Variants in AKAP13 observed in about 807,000 individuals in gnomAD.
AKAP13 encodes the protein A-kinase anchoring protein 13.
In AKAP13, 80 loss-of-function variants were observed where a neutral mutation model predicts 264.5. The ratio of observed to expected loss-of-function variants is 0.30; its 90% confidence interval spans 0.25 to 0.36. The LOEUF (loss-of-function observed/expected upper bound fraction) is 0.36, where lower values mean the gene tolerates loss of function less well. AKAP13 is among the 10% of genes least tolerant of loss of function. AKAP13 has a pLI of 1.00. For missense variants in AKAP13, 3,712 were observed against 3,435.2 expected, an observed-to-expected ratio of 1.08 and a Z score of -2.01; for synonymous variants, 1,380 against 1,250.2, an observed-to-expected ratio of 1.10 and a Z score of -2.19.
intron 2 of AKAP13, among the ~76,000 whole-genome samples, chr15:85,504,247 C>T (rs757936462): frequency 6.6e-6 from 1 of 151,752 alleles, no homozygotes; most frequent in East Asian, 1.9e-4. Context: ...ACAAAGTAGC[C>T]GAGTATAATC....
chr15:85,399,523 T>TAA lies in AKAP13; in HGVS notation c.-12+18731_-12+18732dup, dbSNP rs1367253621. Reference sequence around the variant, plus strand: ...GTCTCAAAAAAAAAAAAAAAAAAAATAAAAAAATAAAAAAATAAATAAATA... The same window carrying TAA: ...GTCTCAAAAAAAAAAAAAAAAAAAATAAAAAAAAATAAAAAAATAAATAAATA... On this transcript the variant is annotated intron_variant, in intron 1 of 36. Coordinates refer to ENST00000394518, the MANE Select transcript of AKAP13 (RefSeq NM_007200.5). Among the ~76,000 whole-genome samples, 6 of 78,028 alleles carry TAA rather than the reference T, an allele frequency of 7.7e-5. No individual in the cohort carries two copies. In the South Asian group the frequency reaches 9.4e-4, roughly 12 times the overall value. The allele number at this position is 78,028 out of a possible 152,430, so 51.2% of individuals were successfully genotyped here. A position where few individuals can be genotyped will look rare whatever the true frequency, so the allele number is the denominator to read the frequency against.
chr15:85,505,387 G>A (rs1351819922), intron 2 of AKAP13, among the ~76,000 whole-genome samples: 1 of 152,144 alleles, frequency 6.6e-6, no homozygotes, highest in Non-Finnish European at 1.5e-5. Flanking sequence ...GGCTATGACT[G>A]GTAGTAGTAT....
intron 2 of AKAP13, among the ~76,000 whole-genome samples, chr15:85,494,348 T>G (rs1435920232): frequency 1.3e-5 from 2 of 152,232 alleles, no homozygotes; most frequent in African/African-American, 2.4e-5. Flanking sequence ...GGTCTTTGGA[T>G]GCCCCTTATG....
At chr15:85,537,362 C>G (rs1257108987) in intron 4 of AKAP13, among the ~76,000 whole-genome samples, 1 of 152,226 alleles carries the variant, frequency 6.6e-6, no homozygotes, top group Non-Finnish European at 1.5e-5. Flanking sequence ...CATAACAGGA[C>G]TTCTTGCTGT....
At chr15:85,734,585 C>T (rs2088301019) in intron 30 of AKAP13, among the ~76,000 whole-genome samples, 1 of 152,226 alleles carries the variant, frequency 6.6e-6, no homozygotes, top group Non-Finnish European at 1.5e-5. Flanking sequence ...TCTTAGACTA[C>T]TCTAGCCCCT....
chr15:85,729,551 T>G (rs1403757178), intron 29 of AKAP13, among the ~76,000 whole-genome samples: 1 of 149,842 alleles, frequency 6.7e-6, no homozygotes, highest in Non-Finnish European at 1.5e-5. Flanking sequence ...AAGGGGAGGG[T>G]TTTTGATGGT....
intron 1 of AKAP13, among the ~76,000 whole-genome samples, chr15:85,483,482 C>T (rs1219825519): frequency 2.0e-5 from 3 of 150,062 alleles, no homozygotes; most frequent in South Asian, 2.1e-4. Context: ...AAAAATTAGC[C>T]GGTTGCGGTG....
chr15:85,459,706 A>G (rs1216218102), intron 1 of AKAP13, among the ~76,000 whole-genome samples: 3 of 151,896 alleles, frequency 2.0e-5, no homozygotes, highest in Admixed American at 6.6e-5. Flanking sequence ...TCACCGTGTT[A>G]GCCAGGATAG....
At chr15:85,510,445 T>C (rs1034897074) in intron 2 of AKAP13, among the ~76,000 whole-genome samples, 8 of 152,216 alleles carry the variant, frequency 5.3e-5, no homozygotes, top group African/African-American at 1.7e-4. Context: ...TATACAATTA[T>C]TGAAGTAATA....
intron 11 of AKAP13, among the ~76,000 whole-genome samples, chr15:85,656,150 T>C (rs1222187153): frequency 1.3e-5 from 2 of 152,216 alleles, no homozygotes; most frequent in African/African-American, 2.4e-5. Flanking sequence ...AGGCAGTAGT[T>C]TCATGTCAAC....
chr15:85,650,734 C>T (rs2082767840), intron 10 of AKAP13, among the ~76,000 whole-genome samples: 1 of 93,788 alleles, frequency 1.1e-5, no homozygotes, highest in Non-Finnish European at 2.0e-5. Context: ...CCAGCCTGGG[C>T]AACAGAGTGA....
intron 14 of AKAP13, among the ~76,000 whole-genome samples, chr15:85,671,189 G>C (rs940103997): frequency 6.6e-6 from 1 of 152,012 alleles, no homozygotes; most frequent in African/African-American, 2.4e-5. Context: ...GACAGAAGCA[G>C]ATGCCCTATA....
chr15:85,387,025 CTTTTTTTTCTTTTTT>C (rs760203803), intron 1 of AKAP13, among the ~76,000 whole-genome samples: 4 of 151,820 alleles, frequency 2.6e-5, no homozygotes, highest in African/African-American at 7.3e-5. Context: ...TTTTCTTTTT[CTTTTTTTTCTTTTTT>C]AAGATGAGGT....
At chr15:85,395,605 A>G (rs2071071565) in intron 1 of AKAP13, among the ~76,000 whole-genome samples, 1 of 152,198 alleles carries the variant, frequency 6.6e-6, no homozygotes, top group African/African-American at 2.4e-5. Context: ...ATCTTTTTGA[A>G]AAGGGAGACT....
intron 1 of AKAP13, among the ~76,000 whole-genome samples, chr15:85,445,246 C>T (rs1429909193): frequency 6.6e-6 from 1 of 152,170 alleles, no homozygotes; most frequent in Non-Finnish European, 1.5e-5. Flanking sequence ...GAGGCCCCTA[C>T]AATACCAAAG....
intron 16 of AKAP13, among the ~76,000 whole-genome samples, chr15:85,692,238 G>T (rs187226674): frequency 6.6e-6 from 1 of 152,134 alleles, no homozygotes; most frequent in Admixed American, 6.5e-5. Flanking sequence ...AGAATAATGA[G>T]CTAATGAAAC....
chr15:85,455,109 C>T (rs2074238895), intron 1 of AKAP13, among the ~76,000 whole-genome samples: 1 of 152,100 alleles, frequency 6.6e-6, no homozygotes, highest in Admixed American at 6.5e-5. Flanking sequence ...TCATGTCTGT[C>T]CTTGGTACAT....
intron 3 of AKAP13, among the ~76,000 whole-genome samples, chr15:85,530,116 G>A (rs16941005): frequency 6.6e-6 from 1 of 152,092 alleles, no homozygotes; most frequent in Non-Finnish European, 1.5e-5. Context: ...AACAAACTCT[G>A]CTAATGCAGC....
intron 8 of AKAP13, among the ~76,000 whole-genome samples, chr15:85,605,076 G>C (rs1360898855): frequency 2.0e-5 from 3 of 150,996 alleles, no homozygotes; most frequent in Non-Finnish European, 4.4e-5. Flanking sequence ...AATCCCCATG[G>C]ATTACCTAAT....
Sources: gnomAD v4.1 joint callset for allele counts (sites outside exome capture counted in the v4.1 genomes callset) on GRCh38, gnomAD v4.1.1 for gene constraint, MANE v1.5 for transcripts, NCBI Gene and HGNC (gene_info 2026-07-23, HGNC 2026-07-21) for gene names.